SND1: variants seen among roughly 807,000 people sequenced by gnomAD.
The protein encoded by SND1 is staphylococcal nuclease domain-containing protein 1.
A neutral mutation model predicts 121.7 loss-of-function variants in SND1; 38 were observed. That is an observed-to-expected ratio of 0.31 (90% CI 0.24 to 0.41). The LOEUF (loss-of-function observed/expected upper bound fraction) is 0.41, where lower values mean the gene tolerates loss of function less well. Among genes scored for constraint, SND1 ranks in the 10% least tolerant of loss-of-function variants. SND1 has a pLI of 1.00. For synonymous variants in SND1, 401 were observed against 447.4 expected (o/e 0.90, Z 1.31); for missense variants, 868 against 1,184.6 (o/e 0.73, Z 3.92).
chr7:127,986,518 TG>T (rs1200814884), intron 15 of SND1, among the ~76,000 whole-genome samples: 2 of 152,260 alleles, frequency 1.3e-5, no homozygotes, highest in African/African-American at 4.8e-5. Flanking sequence ...GATGTGCTGA[TG>T]GCTAGCAATG....
At chr7:128,080,798 G>T (rs550220963) in intron 17 of SND1, among the ~76,000 whole-genome samples, 1 of 152,120 alleles carries the variant, frequency 6.6e-6, no homozygotes, top group Admixed American at 6.5e-5. Context: ...AGGATCTGGG[G>T]CCTGCATTTT....
intron 12 of SND1, among the ~76,000 whole-genome samples, chr7:127,856,646 C>CT (rs1799279256): frequency 6.6e-6 from 1 of 152,144 alleles, no homozygotes; most frequent in African/African-American, 2.4e-5. Context: ...AGTCTTCTGA[C>CT]TTTCTAATAT....
chr7:127,904,580 C>T (rs1468702), intron 13 of SND1, 167 bp from the exon 14 acceptor site: 13,597 of 466,512 alleles, frequency 0.029, 954 homozygotes, highest in African/African-American at 0.18. Context: ...ATCCCCCCTC[C>T]ACCAAATCCT....
intron 15 of SND1, among the ~76,000 whole-genome samples, chr7:127,975,862 C>T (rs193148400): frequency 7.2e-5 from 11 of 152,334 alleles, no homozygotes; most frequent in African/African-American, 2.2e-4. Flanking sequence ...CAGAGGTGCT[C>T]ATGGCTGTTA....
At chr7:128,047,960 G>A (rs1472444516) in intron 16 of SND1, among the ~76,000 whole-genome samples, 4 of 151,692 alleles carry the variant, frequency 2.6e-5, no homozygotes, top group Non-Finnish European at 4.4e-5. Context: ...CAATTCTCCT[G>A]CCTCAGCCTC....
Position 127,652,396 on chromosome 7 carries a change from G to C in SND1, c.23G>C (p.Gly8Ala). The C allele has an allele frequency of 1.3e-6, 2 of 1,599,072 alleles. No individual in the cohort carries two copies. Among genetic ancestry groups the C allele is most frequent in the Non-Finnish European group, 1.7e-6 (2 of 1,173,544 alleles). The stretch of plus-strand genomic sequence containing the variant: ...CACATGGCGTCCTCCGCGCAGAGCG[G>C]CGGCTCCTCCGGGGGACCCGCGGTC... Reference protein sequence around the residue: MASSAQSGGSSGGPAVPT... With the variant: MASSAQSAGSSGGPAVPT... The change falls in exon 1 of 24, where the codon GGC becomes GCC. Residue 8 changes from glycine (G) to alanine (A), a missense_variant. Around this residue, in one of 2 missense-constraint regions of SND1, gnomAD observed 125 missense variants for 113.3 expected, o/e 1.10. Transcript: ENST00000354725.
intron 1 of SND1, among the ~76,000 whole-genome samples, chr7:127,667,010 A>G (rs751137216): frequency 6.6e-6 from 1 of 152,128 alleles, no homozygotes; most frequent in Non-Finnish European, 1.5e-5. Flanking sequence ...TAGACCTGTG[A>G]TTTGCACTTT....
intron 10 of SND1, among the ~76,000 whole-genome samples, chr7:127,796,890 C>CTTTTTTTTT (rs36078891): frequency 5.0e-4 from 51 of 102,082 alleles, no homozygotes; most frequent in East Asian, 1.6e-3. Context: ...TTTCCTGAGT[C>CTTTTTTTTT]TTTTTTTTTT....
At chr7:127,705,077 T>A (rs1796165598) in intron 8 of SND1, 132 bp downstream of exon 8, 1 of 706,908 alleles carries the variant, frequency 1.4e-6, no homozygotes, top group Non-Finnish European at 2.5e-6. Context: ...GGGCAGTTCC[T>A]TATAGAGGAG....
intron 16 of SND1, among the ~76,000 whole-genome samples, chr7:128,034,164 C>G (rs1452058291): frequency 2.0e-5 from 3 of 152,100 alleles, no homozygotes; most frequent in Non-Finnish European, 2.9e-5. Context: ...TGTGTCTACT[C>G]TTCATAGAGT....
chr7:127,733,514 G>A lies in SND1; in HGVS notation c.1152+12114G>A, dbSNP rs186148558. Reference sequence around the variant, plus strand: ...GTCTTTTACCTAGGTCCCCTTCCCTGCTAGGGAAATTATGTCCATATATAT... The same window carrying A: ...GTCTTTTACCTAGGTCCCCTTCCCTACTAGGGAAATTATGTCCATATATAT... On this transcript the variant is annotated intron_variant, in intron 10 of 23. Coordinates refer to ENST00000354725, the MANE Select transcript of SND1 (RefSeq NM_014390.4). 3.3e-5 allele frequency among the ~76,000 whole-genome samples: 5 copies of A among 152,242 alleles called. 1 individual carries two copies. In the East Asian group the frequency reaches 9.7e-4, roughly 29 times the overall value.
chr7:127,707,063 A>C (rs1019705762), intron 8 of SND1, among the ~76,000 whole-genome samples: 2 of 152,216 alleles, frequency 1.3e-5, no homozygotes, highest in Admixed American at 6.5e-5. Flanking sequence ...AGGTTTTTTT[A>C]AACTCTTGTC....
rs1359895553 is a variant in SND1, at chr7:127,686,780, C to T, written c.228+18C>T. 1.2e-6 allele frequency: 2 copies of T among 1,604,768 alleles called. No individual in the cohort carries two copies. Among genetic ancestry groups the T allele is most frequent in the Admixed American group, 1.7e-5 (1 of 59,776 alleles). On this transcript the variant is annotated intron_variant, in intron 2 of 23. Transcript: ENST00000354725. ...CTGATGAGGTAGGTGTTTCCTGAGG[C>T]CATCGTGAGCCTGTGGACCTAGGTA...
chr7:128,090,641 C>T (rs1485912541), intron 22 of SND1, among the ~76,000 whole-genome samples: 1 of 152,224 alleles, frequency 6.6e-6, no homozygotes, highest in East Asian at 1.9e-4. Flanking sequence ...CTTTCCTCCT[C>T]TTCATCTCTC....
At chr7:128,074,295 A>G (rs1392226791) in intron 16 of SND1, among the ~76,000 whole-genome samples, 2 of 152,190 alleles carry the variant, frequency 1.3e-5, no homozygotes, top group Non-Finnish European at 2.9e-5. Context: ...AAGGAGGGGA[A>G]GGGGCTCTGA....
chr7:128,078,393 C>T (rs1425639073), intron 17 of SND1, among the ~76,000 whole-genome samples: 2 of 152,258 alleles, frequency 1.3e-5, no homozygotes, highest in Non-Finnish European at 2.9e-5. Flanking sequence ...TCTCTCCTAC[C>T]CTCTGTATGC....
chr7:127,725,630 T>C (rs1230083324), intron 10 of SND1, among the ~76,000 whole-genome samples: 1 of 152,176 alleles, frequency 6.6e-6, no homozygotes, highest in Non-Finnish European at 1.5e-5. Context: ...TGGAGGGCCT[T>C]GAAAGAAACA....
At chr7:127,857,232 G>A (rs1341112446) in intron 12 of SND1, among the ~76,000 whole-genome samples, 3 of 104,934 alleles carry the variant, frequency 2.9e-5, no homozygotes, top group African/African-American at 3.7e-5. Flanking sequence ...TCACTCTTCC[G>A]CCCAGGCTGG....
chr7:127,654,748 T>C (rs1256191632), intron 1 of SND1, among the ~76,000 whole-genome samples: 1 of 152,192 alleles, frequency 6.6e-6, no homozygotes, highest in Non-Finnish European at 1.5e-5. Context: ...CTGCCTTCTC[T>C]GACCACACTA....
Sources: allele counts gnomAD v4.1 joint callset (sites outside exome capture counted in the v4.1 genomes callset), GRCh38; gene constraint gnomAD v4.1.1; regional missense constraint gnomAD v4.1.1; transcripts MANE v1.5; gene names NCBI Gene and HGNC (gene_info 2026-07-23, HGNC 2026-07-21).